SATB2: variants seen among roughly 807,000 people sequenced by gnomAD.
The protein encoded by SATB2 is DNA-binding protein SATB2.
Under a neutral mutation model 73.4 loss-of-function variants are expected in SATB2, and 1 was observed. The observed-to-expected ratio is 0.01, with a 90% CI of 0.00 to 0.06. The LOEUF (loss-of-function observed/expected upper bound fraction) is 0.06. Among genes scored for constraint, SATB2 ranks in the 10% least tolerant of loss-of-function variants. The pLI, the probability that SATB2 is intolerant of heterozygous loss-of-function variation, is 1.00. For synonymous variants in SATB2, 397 were observed against 367.0 expected, an observed-to-expected ratio of 1.08 and a Z score of -0.93; for missense variants, 459 against 945.8, an observed-to-expected ratio of 0.49 and a Z score of 6.75.
intron 9 of SATB2, among the ~76,000 whole-genome samples, chr2:199,319,868 G>A (rs893976103): frequency 1.3e-5 from 2 of 152,046 alleles, no homozygotes; most frequent in African/African-American, 4.8e-5. Flanking sequence ...AAAACAATCA[G>A]TGTCTGGGAA....
At chr2:199,411,519 C>T (rs1055904692) in intron 3 of SATB2, among the ~76,000 whole-genome samples, 3 of 152,186 alleles carry the variant, frequency 2.0e-5, no homozygotes, top group Admixed American at 2.0e-4. Context: ...TCATTTTCTC[C>T]TCACAACATT....
intron 3 of SATB2, among the ~76,000 whole-genome samples, chr2:199,385,024 T>C (rs1021521193): frequency 6.6e-6 from 1 of 152,220 alleles, no homozygotes; most frequent in Admixed American, 6.5e-5. Flanking sequence ...CATCAATGTG[T>C]CCCATCTTCT....
At position 199,328,928 on chromosome 2, in the gene SATB2, A is replaced by G. The variant is rs1194654045; in HGVS notation, c.1174-18T>C. ...AACAATCCCTGATTAAATGGGGGAA[A>G]AAAACAGACCAAGTCACATTTGCAG... is the stretch of plus-strand genomic sequence containing the variant. On this transcript the variant is annotated intron_variant, in intron 7 of 10. Transcript: ENST00000417098. 1.3e-6 allele frequency: 2 copies of G among 1,591,790 alleles called. No individual in the cohort carries two copies. The highest frequency in any genetic ancestry group is 1.7e-6 in the Non-Finnish European group (2 of 1,160,228).
chr2:199,382,888 T>TA (rs1423815522), intron 3 of SATB2, among the ~76,000 whole-genome samples: 1 of 152,084 alleles, frequency 6.6e-6, no homozygotes, highest in African/African-American at 2.4e-5. Flanking sequence ...CACTGTTCTT[T>TA]AAAAAAATAT....
chr2:199,386,689 TGCGCAAGCGCGCGCGC>T (rs1487534878), intron 3 of SATB2, among the ~76,000 whole-genome samples: 1 of 36,856 alleles, frequency 2.7e-5, no homozygotes, highest in African/African-American at 2.2e-4. Flanking sequence ...TTCATACACG[TGCGCAAGCGCGCGCGC>T]GCGCGCGCGC....
chr2:199,381,588 CA>C (rs1401106034), intron 4 of SATB2, 105 bp downstream of exon 4: 2 of 1,465,264 alleles, frequency 1.4e-6, no homozygotes, highest in Non-Finnish European at 1.9e-6. Context: ...TCATTTTGTC[CA>C]ATGTCCAGAA....
At chr2:199,446,695 A>G (rs1691971390) in intron 2 of SATB2, among the ~76,000 whole-genome samples, 1 of 152,234 alleles carries the variant, frequency 6.6e-6, no homozygotes, top group Non-Finnish European at 1.5e-5. Flanking sequence ...CTTTGCTGAC[A>G]AAAGCATTTT....
rs117810143 is a variant in SATB2 at position 199,334,812 on chromosome 2, G to A, written c.1174-5902C>T. ...AAGCGGTTAAATCAGCGACATGGCTGTAGAAAGTACTGGTATCCTACTACC... is the reference window on the plus strand; with the variant it reads ...AAGCGGTTAAATCAGCGACATGGCTATAGAAAGTACTGGTATCCTACTACC... On this transcript the variant is annotated intron_variant, in intron 7 of 10. Transcript: ENST00000417098. Among the ~76,000 whole-genome samples, 144 of 152,252 alleles carry A rather than the reference G, an allele frequency of 9.5e-4. 3 individuals carry two copies. In the East Asian group the frequency reaches 0.025, roughly 27 times the overall value.
intron 10 of SATB2, among the ~76,000 whole-genome samples, chr2:199,286,872 A>G (rs1269897248): frequency 6.6e-6 from 1 of 152,176 alleles, no homozygotes; most frequent in Non-Finnish European, 1.5e-5. Context: ...GACTTGCTTC[A>G]TGGGTATAAT....
chr2:199,388,529 C>A (rs1690027081), intron 3 of SATB2, among the ~76,000 whole-genome samples: 3 of 152,104 alleles, frequency 2.0e-5, no homozygotes, highest in Admixed American at 2.0e-4. Context: ...CACAATAAAG[C>A]CTACAGTTCA....
intron 3 of SATB2, among the ~76,000 whole-genome samples, chr2:199,413,884 G>A (rs77192812): frequency 0.026 from 4,015 of 152,152 alleles, 183 homozygotes; most frequent in African/African-American, 0.093. Flanking sequence ...ACACCTACAC[G>A]AGACAAATAA....
At chr2:199,427,735 G>C (rs1469487849) in intron 3 of SATB2, among the ~76,000 whole-genome samples, 1 of 151,940 alleles carries the variant, frequency 6.6e-6, no homozygotes, top group Non-Finnish European at 1.5e-5. Context: ...TATGTTGCAT[G>C]TTTCCATAAA....
At position 199,410,632 on chromosome 2, in the gene SATB2, G is replaced by A. The variant is rs560699599; in HGVS notation, c.346+22706C>T. ...AACTCTGAAATGTTGCCCTCCCAGC[G>A]CACGCTACTATAACTTTATGGAATA... On this transcript the variant is annotated intron_variant, in intron 3 of 10. Coordinates refer to ENST00000417098, the MANE Select transcript of SATB2 (RefSeq NM_001172509.2). 1.7e-4 allele frequency among the ~76,000 whole-genome samples: 26 copies of A among 152,232 alleles called. No individual in the cohort carries two copies. In the South Asian group the frequency reaches 3.7e-3, roughly 22 times the overall value.
chr2:199,340,687 G>A (rs1442142586), intron 7 of SATB2, among the ~76,000 whole-genome samples: 1 of 152,116 alleles, frequency 6.6e-6, no homozygotes, highest in Non-Finnish European at 1.5e-5. Context: ...CTTGCATAAG[G>A]ATGTTTCCTG....
chr2:199,284,650 C>T (rs999489483), intron 10 of SATB2, among the ~76,000 whole-genome samples: 1 of 151,902 alleles, frequency 6.6e-6, no homozygotes, highest in African/African-American at 2.4e-5. Flanking sequence ...CATTGGCATT[C>T]TATTATTTTT....
intron 2 of SATB2, among the ~76,000 whole-genome samples, chr2:199,449,493 C>A (rs1037570083): frequency 6.6e-6 from 1 of 152,248 alleles, no homozygotes; most frequent in African/African-American, 2.4e-5. Context: ...GCATGTTATG[C>A]TTACAGGGCT....
chr2:199,331,490 G>A (rs1460935044), intron 7 of SATB2, among the ~76,000 whole-genome samples: 1 of 152,062 alleles, frequency 6.6e-6, no homozygotes, highest in Non-Finnish European at 1.5e-5. Context: ...ATTACCCCCA[G>A]AGAATCAGAA....
At chr2:199,430,565 T>C (rs1049270128) in intron 3 of SATB2, among the ~76,000 whole-genome samples, 5 of 152,260 alleles carry the variant, frequency 3.3e-5, no homozygotes, top group Non-Finnish European at 5.9e-5. Flanking sequence ...TCTTTTACAC[T>C]ATTCTCTCTT....
In SATB2 at chr2:199,381,744, G is replaced by T. The variant is rs1401692784; in HGVS notation, c.423C>A (p.Asp141Glu). The change falls in exon 4 of 11, where the codon GAC becomes GAA. Residue 141 changes from aspartate (D) to glutamate (E), a missense_variant. This residue lies in a region of SATB2 where 56 missense variants were observed against 183.7 expected (regional missense o/e 0.30). Transcript: ENST00000417098. Reference protein sequence around the residue: ...VTDAPDATVADMLQDVYHVVT... With the variant: ...VTDAPDATVAEMLQDVYHVVT... ...CAACATGATAGACATCTTGTAGCAT[G>T]TCGGCCACTGTCGCGTCGGGTGCAT... is the stretch of plus-strand genomic sequence containing the variant. 1 of 1,614,122 alleles carries T rather than the reference G, an allele frequency of 6.2e-7. No individual in the cohort carries two copies. Among genetic ancestry groups the T allele is most frequent in the South Asian group, 1.1e-5 (1 of 91,086 alleles).
Sources: gnomAD v4.1 joint callset for allele counts (sites outside exome capture counted in the v4.1 genomes callset) on GRCh38, gnomAD v4.1.1 for gene constraint, gnomAD v4.1.1 regional missense constraint, MANE v1.5 for transcripts, NCBI Gene and HGNC (gene_info 2026-07-23, HGNC 2026-07-21) for gene names.